Variants in TMEM156 observed in about 807,000 individuals in gnomAD.
TMEM156 encodes transmembrane protein 156.
In TMEM156, 28 loss-of-function variants were observed where a neutral mutation model predicts 30.5. That is an observed-to-expected ratio of 0.92 (90% CI 0.68 to 1.26). The LOEUF (loss-of-function observed/expected upper bound fraction) is 1.26, where lower values mean the gene tolerates loss of function less well. Ranked by LOEUF, TMEM156 falls within the 50% of genes most tolerant of loss-of-function variation. TMEM156 has a pLI of 0.00. For synonymous variants in TMEM156, 137 were observed against 119.9 expected (o/e 1.14, Z -0.93); for missense variants, 351 against 340.6 (o/e 1.03, Z -0.24).
chr4:39,023,669 C>G (rs561738568), intron 1 of TMEM156, among the ~76,000 whole-genome samples: 82 of 152,020 alleles, frequency 5.4e-4, no homozygotes, highest in African/African-American at 1.9e-3. Flanking sequence ...TTGGTGAAAC[C>G]CATCTCTACT....
Position 38,971,014 on chromosome 4 carries a change from A to G in TMEM156, c.*38+18T>C. On this transcript the variant is annotated intron_variant, in intron 6 of 6. Transcript: ENST00000381938. The stretch of plus-strand genomic sequence containing the variant: ...GTGTTTATAATGAAGAAGTCGATAA[A>G]GCCGAATCATCACTCACCGTGTATA... 6.7e-7 allele frequency: 1 copy of G among 1,493,704 alleles called. No individual in the cohort carries two copies. Among genetic ancestry groups the G allele is most frequent in the South Asian group, 1.2e-5 (1 of 86,428 alleles). 92.5% of individuals were successfully genotyped at this position (1,493,704 alleles called of 1,614,324 possible). A position where few individuals can be genotyped will look rare whatever the true frequency, so the allele number is the denominator to read the frequency against.
chr4:38,978,726 A>G (rs1465545414), intron 5 of TMEM156, among the ~76,000 whole-genome samples: 1 of 152,176 alleles, frequency 6.6e-6, no homozygotes, highest in Admixed American at 6.5e-5. Flanking sequence ...CTGTTAAATG[A>G]GCTTGTCAGG....
At chr4:39,012,147 C>T (rs982236534) in intron 1 of TMEM156, among the ~76,000 whole-genome samples, 44 of 152,296 alleles carry the variant, frequency 2.9e-4, no homozygotes, top group African/African-American at 1.1e-3. Context: ...CAAACCTGCA[C>T]ATGTACCCTC....
chr4:39,020,403 T>C (rs543494539), intron 1 of TMEM156, among the ~76,000 whole-genome samples: 105 of 152,198 alleles, frequency 6.9e-4, no homozygotes, highest in Non-Finnish European at 1.2e-3. Context: ...GATATGGTAG[T>C]TCTACTTTTT....
intron 5 of TMEM156, among the ~76,000 whole-genome samples, chr4:38,973,203 T>C (rs958796877): frequency 2.0e-5 from 3 of 152,244 alleles, no homozygotes; most frequent in African/African-American, 7.2e-5. Context: ...TCTATTCTTC[T>C]ATTTCAATTT....
intron 2 of TMEM156, among the ~76,000 whole-genome samples, chr4:38,998,174 G>A (rs11940712): frequency 0.5 from 75,470 of 151,888 alleles, 18,806 homozygotes; most frequent in East Asian, 0.66. Context: ...AACCAAAACC[G>A]AGTAACATCC....
At chr4:39,014,699 A>G (rs1714364510) in intron 1 of TMEM156, among the ~76,000 whole-genome samples, 1 of 150,958 alleles carries the variant, frequency 6.6e-6, no homozygotes, top group Non-Finnish European at 1.5e-5. Context: ...CTGAGGTTGC[A>G]GTGAGCGGAG....
intron 1 of TMEM156, among the ~76,000 whole-genome samples, chr4:39,000,200 C>T (rs1713236838): frequency 6.6e-6 from 1 of 152,062 alleles, no homozygotes; most frequent in Non-Finnish European, 1.5e-5. Context: ...TTGAGATCAG[C>T]CTGGACAACA....
intron 6 of TMEM156, among the ~76,000 whole-genome samples, chr4:38,968,893 A>G (rs1722466966): frequency 1.3e-5 from 2 of 152,132 alleles, no homozygotes; most frequent in Admixed American, 6.5e-5. Flanking sequence ...GCCAACTTAC[A>G]TAACTGCCTC....
In TMEM156 at chr4:38,998,613, T is replaced by C. The variant is rs767241822; in HGVS notation, c.358+27A>G. ...AAATTAATTTATACCTGATACCATT[T>C]TATTCTCACCTTCACTTTGTGTTTA... On this transcript the variant is annotated intron_variant, in intron 2 of 6. Transcript: ENST00000381938. 3.2e-6 allele frequency: 5 copies of C among 1,582,720 alleles called. No individual in the cohort carries two copies. In the South Asian group the frequency reaches 5.8e-5, roughly 18 times the overall value.
At chr4:38,986,853 G>GAAAAAAAAAAAAAAAAAAA (rs1712036216) in intron 4 of TMEM156, among the ~76,000 whole-genome samples, 1 of 84,070 alleles carries the variant, frequency 1.2e-5, no homozygotes. Context: ...AAAAAAAAAG[G>GAAAAAAAAAAAAAAAAAAA]AAAGCGACAG....
intron 6 of TMEM156, among the ~76,000 whole-genome samples, chr4:38,970,142 G>T (rs1204344464): frequency 1.0e-4 from 15 of 143,494 alleles, no homozygotes; most frequent in African/African-American, 3.7e-4. Context: ...CTGTGTGTGT[G>T]TGTTTGTGTG....
At chr4:39,030,192 A>AAG (rs1193207093) in intron 1 of TMEM156, among the ~76,000 whole-genome samples, 1 of 150,974 alleles carries the variant, frequency 6.6e-6, no homozygotes, top group African/African-American at 2.4e-5. Flanking sequence ...AAAAAAAAAA[A>AAG]CAACCCATCA....
intron 5 of TMEM156, among the ~76,000 whole-genome samples, chr4:38,984,201 G>A (rs1711783838): frequency 6.6e-6 from 1 of 152,100 alleles, no homozygotes; most frequent in Admixed American, 6.6e-5. Context: ...TGTCCACCGT[G>A]CCCCTAGAAT....
At chr4:38,994,658 A>T (rs570130420) in intron 2 of TMEM156, among the ~76,000 whole-genome samples, 1 of 152,326 alleles carries the variant, frequency 6.6e-6, no homozygotes, top group South Asian at 2.1e-4. Context: ...TTTAAAGAAC[A>T]GAAGTTTGGG....
intron 1 of TMEM156, among the ~76,000 whole-genome samples, chr4:39,008,464 T>C (rs1212809087): frequency 6.6e-6 from 1 of 152,182 alleles, no homozygotes; most frequent in Non-Finnish European, 1.5e-5. Context: ...CAGTAATAAA[T>C]CTAATTTGAT....
At chr4:38,999,589 C>G (rs556472320) in intron 1 of TMEM156, among the ~76,000 whole-genome samples, 1 of 152,298 alleles carries the variant, frequency 6.6e-6, no homozygotes, top group South Asian at 2.1e-4. Flanking sequence ...ATTTCCACAA[C>G]CTTGGTAATT....
chr4:38,974,731 G>A (rs1167018576), intron 5 of TMEM156, among the ~76,000 whole-genome samples: 1 of 151,038 alleles, frequency 6.6e-6, no homozygotes, highest in Non-Finnish European at 1.5e-5. Context: ...GAGTGCAATG[G>A]CATGATCTTG....
chr4:38,998,316 G>A (rs985712849), intron 2 of TMEM156: 2 of 160,790 alleles, frequency 1.2e-5, no homozygotes, highest in African/African-American at 4.8e-5. Context: ...GGAGGCTGAG[G>A]TGAGTGGATC....
Sources: allele counts gnomAD v4.1 joint callset (sites outside exome capture counted in the v4.1 genomes callset), GRCh38; gene constraint gnomAD v4.1.1; transcripts MANE v1.5; gene names NCBI Gene and HGNC (gene_info 2026-07-23, HGNC 2026-07-21).